SH2D4A: variants seen among roughly 807,000 people sequenced by gnomAD.
SH2D4A encodes SH2 domain containing 4A, also known as SH2 domain-containing protein 4A.
SH2D4A carries 70 observed loss-of-function variants against 64.7 expected under a neutral mutation model. The observed-to-expected ratio is 1.08, with a 90% CI of 0.89 to 1.32. The LOEUF (loss-of-function observed/expected upper bound fraction) is 1.32. Ranked by LOEUF, SH2D4A falls within the 40% of genes most tolerant of loss-of-function variation. The pLI is 0.00. For missense variants in SH2D4A, 706 were observed against 540.1 expected, an observed-to-expected ratio of 1.31 and a Z score of -3.04; for synonymous variants, 268 against 200.7, an observed-to-expected ratio of 1.34 and a Z score of -2.83.
intron 1 of SH2D4A, among the ~76,000 whole-genome samples, chr8:19,314,323 G>A (rs1322471947): frequency 6.6e-6 from 1 of 152,122 alleles, no homozygotes; most frequent in Non-Finnish European, 1.5e-5. Context: ...GGGAAGTCCC[G>A]GGAAACGGTG....
At chr8:19,394,077 G>A (rs2053545636) in intron 9 of SH2D4A, among the ~76,000 whole-genome samples, 1 of 152,096 alleles carries the variant, frequency 6.6e-6, no homozygotes, top group Admixed American at 6.5e-5. Context: ...AGATCATCAG[G>A]CATTAGATTT....
chr8:19,365,701 G>A (rs1338642606), intron 7 of SH2D4A, among the ~76,000 whole-genome samples: 2 of 152,124 alleles, frequency 1.3e-5, no homozygotes, highest in Non-Finnish European at 2.9e-5. Flanking sequence ...TCCAACTGAA[G>A]ACACTGCATG....
chr8:19,347,895 C>CACATGCCACACATTGCATGCAT (rs1348439921), intron 4 of SH2D4A, among the ~76,000 whole-genome samples: 1 of 152,188 alleles, frequency 6.6e-6, no homozygotes, highest in Non-Finnish European at 1.5e-5. Flanking sequence ...CACAGGCAAA[C>CACATGCCACACATTGCATGCAT]ACATGCCACA....
At chr8:19,374,969 G>A (rs2053168776) in intron 8 of SH2D4A, among the ~76,000 whole-genome samples, 2 of 152,096 alleles carry the variant, frequency 1.3e-5, no homozygotes, top group African/African-American at 2.4e-5. Context: ...TTATAAGAAG[G>A]GTAGTTTTTT....
intron 7 of SH2D4A, 50 bp downstream of exon 7, chr8:19,364,332 G>A: frequency 1.9e-6 from 3 of 1,593,622 alleles, no homozygotes; most frequent in Non-Finnish European, 2.6e-6. Flanking sequence ...AATGGGCTTT[G>A]AATAAGCGTT....
chr8:19,376,331 C>T (rs1396336924), intron 8 of SH2D4A, among the ~76,000 whole-genome samples: 1 of 152,072 alleles, frequency 6.6e-6, no homozygotes, highest in Non-Finnish European at 1.5e-5. Context: ...CCATTTAAAT[C>T]TCATCCAAGA....
In SH2D4A at chr8:19,332,975, T is replaced by C. The variant is rs1181125309; in HGVS notation, c.202T>C (p.Trp68Arg). ...PKKENGKSVH[W>R]KLGADKEVWV... Reference sequence around the variant, plus strand: ...TGCAGAGAATGGCAAATCGGTTCATTGGAAACTTGGAGCTGATAAGGAAGT... The same window carrying C: ...TGCAGAGAATGGCAAATCGGTTCATCGGAAACTTGGAGCTGATAAGGAAGT... Residue 68 changes from tryptophan to arginine, a missense_variant, in exon 3 of 10, where the codon TGG becomes CGG. Physicochemically the swap from Trp to Arg is moderately radical, Grantham distance 101. Coordinates refer to ENST00000265807, the MANE Select transcript of SH2D4A (RefSeq NM_022071.4). The C allele has an allele frequency of 1.9e-6, 3 of 1,612,052 alleles. No individual in the cohort carries two copies. The highest frequency in any genetic ancestry group is 8.5e-7 in the Non-Finnish European group (1 of 1,179,606).
chr8:19,385,456 C>T (rs1436206136), intron 8 of SH2D4A, among the ~76,000 whole-genome samples: 1 of 152,164 alleles, frequency 6.6e-6, no homozygotes, highest in African/African-American at 2.4e-5. Flanking sequence ...CCACCTTGGC[C>T]TCCCAAAGTG....
rs767391456 is a variant in SH2D4A, at chr8:19,361,230, G to A, written c.622G>A (p.Asp208Asn). The stretch of plus-strand genomic sequence containing the variant: ...GAAAGAATCTATGAAGAAAAAACAA[G>A]ATGAAGAAATAAATCAAATAGAAGA... The part of the protein sequence containing the change: ...QKKESMKKKQ[D>N]EEINQIEEER... Residue 208 changes from aspartate (D) to asparagine (N), a missense_variant, in exon 6 of 10, where the codon GAT becomes AAT. Asp to Asn is a conservative substitution (Grantham distance 23). Transcript: ENST00000265807. The A allele has an allele frequency of 7.0e-6, 11 of 1,561,400 alleles. No homozygotes were observed. In the South Asian group the frequency reaches 1.1e-4, roughly 16 times the overall value.
chr8:19,358,078 G>A (rs955381246), intron 5 of SH2D4A, among the ~76,000 whole-genome samples: 1 of 152,176 alleles, frequency 6.6e-6, no homozygotes, highest in African/African-American at 2.4e-5. Flanking sequence ...CTGTAGTCCT[G>A]TGTGCATACT....
At chr8:19,322,203 CCGTCCAAAGCA>C (rs2052202158) in intron 2 of SH2D4A, among the ~76,000 whole-genome samples, 1 of 152,188 alleles carries the variant, frequency 6.6e-6, no homozygotes, top group African/African-American at 2.4e-5. Flanking sequence ...AAGCCATAGA[CCGTCCAAAGCA>C]ATGCTGTCAT....
At chr8:19,366,978 A>G (rs1353918550) in intron 7 of SH2D4A, among the ~76,000 whole-genome samples, 1 of 152,132 alleles carries the variant, frequency 6.6e-6, no homozygotes, top group African/African-American at 2.4e-5. Context: ...GGAACTTCAT[A>G]CCGTTGTTTA....
At chr8:19,353,610 G>T (rs894436450) in intron 4 of SH2D4A, among the ~76,000 whole-genome samples, 2 of 148,772 alleles carry the variant, frequency 1.3e-5, no homozygotes, top group Non-Finnish European at 3.0e-5. Flanking sequence ...CTTGTGATTT[G>T]CCCACCTCAG....
At chr8:19,315,567 C>A (rs1422162736) in intron 1 of SH2D4A, among the ~76,000 whole-genome samples, 1 of 152,202 alleles carries the variant, frequency 6.6e-6, no homozygotes, top group Non-Finnish European at 1.5e-5. Context: ...TCTATGGTAT[C>A]ATGGAAAACA....
At chr8:19,348,311 G>T (rs1174712289) in intron 4 of SH2D4A, among the ~76,000 whole-genome samples, 4 of 152,188 alleles carry the variant, frequency 2.6e-5, no homozygotes, top group Middle Eastern at 3.4e-3. Flanking sequence ...TGCCCAGGCT[G>T]CTCTTGAACT....
chr8:19,318,846 T>C (rs1304097164), intron 1 of SH2D4A, among the ~76,000 whole-genome samples: 1 of 152,252 alleles, frequency 6.6e-6, no homozygotes, highest in East Asian at 1.9e-4. Context: ...GTCTAGTTTT[T>C]ATTTCTTCCT....
chr8:19,371,069 T>TAA lies in SH2D4A; in HGVS notation c.918-2461_918-2460insAA, dbSNP rs1219529854. Among the ~76,000 whole-genome samples, 16 of 152,278 alleles carry TAA rather than the reference T, an allele frequency of 1.1e-4. 1 individual carries two copies. Among genetic ancestry groups the TAA allele is most frequent in the South Asian group, 4.1e-4 (2 of 4,832 alleles). On this transcript the variant is annotated intron_variant, in intron 7 of 9. Coordinates refer to ENST00000265807, the MANE Select transcript of SH2D4A (RefSeq NM_022071.4). ...ACTTACATTTTTATATTACCTATCT[T>TAA]GTTATTAAAGTTATTTTTGATAGTT...
At chr8:19,316,993 G>T (rs1391370765) in intron 1 of SH2D4A, among the ~76,000 whole-genome samples, 3 of 152,172 alleles carry the variant, frequency 2.0e-5, no homozygotes, top group African/African-American at 7.2e-5. Flanking sequence ...GGAGACTGGA[G>T]GAATATGACT....
In SH2D4A at chr8:19,333,081, G is replaced by A. The variant is rs778282714; in HGVS notation, c.308G>A (p.Arg103Gln). ...AATGAAATTATTGCTGAGAGGGCCCGGCTGAAAGCAGAACAGGAGGCAGAA... is the reference window on the plus strand; with the variant it reads ...AATGAAATTATTGCTGAGAGGGCCCAGCTGAAAGCAGAACAGGAGGCAGAA... ...LCNEIIAERA[R>Q]LKAEQEAEEP... is the part of the protein sequence containing the mutation. The change falls in exon 3 of 10, where the codon CGG becomes CAG. Residue 103 changes from arginine (R) to glutamine (Q), a missense_variant. By Grantham distance (43) the Arg-to-Gln change is conservative (BLOSUM62 1). Transcript: ENST00000265807. The A allele has an allele frequency of 2.0e-5, 32 of 1,613,630 alleles. No individual in the cohort carries two copies. Among genetic ancestry groups the A allele is most frequent in the Middle Eastern group, 1.6e-4 (1 of 6,084 alleles).
Sources: allele counts gnomAD v4.1 joint callset (sites outside exome capture counted in the v4.1 genomes callset), GRCh38; gene constraint gnomAD v4.1.1; transcripts MANE v1.5; gene names NCBI Gene and HGNC (gene_info 2026-07-23, HGNC 2026-07-21).